The following IGSF11 variants were observed in gnomAD, a reference collection of about 807,000 sequenced individuals.
IGSF11 encodes the protein CXADR like 1.
IGSF11 carries 22 observed loss-of-function variants against 41.0 expected under a neutral mutation model. The observed-to-expected ratio is 0.54, with a 90% CI of 0.38 to 0.77. The LOEUF (loss-of-function observed/expected upper bound fraction) is 0.77. Ranked by LOEUF, IGSF11 falls within the 30% of genes least tolerant of loss-of-function variation. IGSF11 has a pLI of 0.00. For synonymous variants in IGSF11, 219 were observed against 201.3 expected (o/e 1.09, Z -0.74); for missense variants, 444 against 530.8 (o/e 0.84, Z 1.61).
intron 1 of IGSF11, among the ~76,000 whole-genome samples, chr3:119,128,613 A>G (rs2077436446): frequency 6.6e-6 from 1 of 152,228 alleles, no homozygotes; most frequent in African/African-American, 2.4e-5. Context: ...GTCTCTGACA[A>G]AACAGATTTT....
chr3:119,018,807 T>C (rs964821597), intron 1 of IGSF11, among the ~76,000 whole-genome samples: 1 of 152,130 alleles, frequency 6.6e-6, no homozygotes, highest in Middle Eastern at 3.2e-3. Flanking sequence ...AAAGAAGAAA[T>C]GTGTGAGACT....
chr3:119,122,678 A>G (rs771020060), intron 1 of IGSF11, among the ~76,000 whole-genome samples: 4 of 152,196 alleles, frequency 2.6e-5, no homozygotes, highest in Non-Finnish European at 4.4e-5. Flanking sequence ...TTTGTCTTGC[A>G]TTTTGGGTAC....
intron 1 of IGSF11, among the ~76,000 whole-genome samples, chr3:119,061,054 C>A (rs1942036573): frequency 6.6e-6 from 1 of 152,062 alleles, no homozygotes; most frequent in South Asian, 2.1e-4. Flanking sequence ...TATGCTGTTT[C>A]TATGGTAACA....
intron 1 of IGSF11, among the ~76,000 whole-genome samples, chr3:119,082,663 T>C (rs2076602972): frequency 2.6e-5 from 4 of 152,238 alleles, no homozygotes; most frequent in African/African-American, 7.2e-5. Flanking sequence ...TCACTTAGTA[T>C]GTCAGATTAA....
intron 1 of IGSF11, among the ~76,000 whole-genome samples, chr3:118,969,540 T>C (rs1336471914): frequency 2.6e-5 from 4 of 152,082 alleles, no homozygotes; most frequent in Non-Finnish European, 4.4e-5. Context: ...CCATGGTAGC[T>C]TCCCCCGTGA....
chr3:118,980,037 A>T (rs1212584171), intron 1 of IGSF11, among the ~76,000 whole-genome samples: 1 of 152,178 alleles, frequency 6.6e-6, no homozygotes, highest in Non-Finnish European at 1.5e-5. Context: ...GGATGTGGAG[A>T]AAAGGGAACT....
intron 1 of IGSF11, among the ~76,000 whole-genome samples, chr3:119,114,083 C>A (rs1321448582): frequency 1.3e-5 from 2 of 152,158 alleles, no homozygotes; most frequent in African/African-American, 4.8e-5. Context: ...GGCCCTGGGC[C>A]CAGCCCATGG....
At chr3:119,113,249 C>T (rs1453933205) in intron 1 of IGSF11, among the ~76,000 whole-genome samples, 1 of 152,148 alleles carries the variant, frequency 6.6e-6, no homozygotes, top group African/African-American at 2.4e-5. Flanking sequence ...TTATGCCTTC[C>T]CAATAGTCCC....
Position 119,142,624 on chromosome 3 carries a change from C to G in IGSF11, c.-14+3189G>C, listed in dbSNP as rs555579805. ...CTATAAGACACCCTTAAGTGTACCA[C>G]TTATGCATGGTGGGAGCTCCAGAAA... On this transcript the variant is annotated intron_variant, in intron 1 of 7. Transcript: ENST00000425327. Among the ~76,000 whole-genome samples, 3 of 151,998 alleles carry G rather than the reference C, an allele frequency of 2.0e-5. No individual in the cohort carries two copies. The East Asian group carries it at 5.8e-4, about 29-fold the overall frequency.
rs939688740 is a variant in IGSF11 at position 118,911,121 on chromosome 3, GCA to G, written c.581-5405_581-5404del. 1.5e-4 allele frequency among the ~76,000 whole-genome samples: 22 copies of G among 151,298 alleles called. 1 individual carries two copies. Among genetic ancestry groups the G allele is most frequent in the South Asian group, 6.3e-4 (3 of 4,784 alleles). ...GTAAGGTGTATGTTTATGTGTGTGT[GCA>G]CACACACACACATATATGTAAAAAT... On this transcript the variant is annotated intron_variant, in intron 4 of 6. Transcript: ENST00000393775.
intron 1 of IGSF11, among the ~76,000 whole-genome samples, chr3:119,042,112 A>T (rs1354075347): frequency 6.6e-6 from 1 of 152,232 alleles, no homozygotes; most frequent in Non-Finnish European, 1.5e-5. Flanking sequence ...AATATTTAAC[A>T]ATCAATGCAA....
chr3:119,120,594 G>A (rs986667725), intron 1 of IGSF11, among the ~76,000 whole-genome samples: 1 of 152,216 alleles, frequency 6.6e-6, no homozygotes, highest in African/African-American at 2.4e-5. Flanking sequence ...TAGGGATCAG[G>A]GGATCAGTTT....
At chr3:119,092,735 C>G (rs550096981) in intron 1 of IGSF11, among the ~76,000 whole-genome samples, 35 of 152,210 alleles carry the variant, frequency 2.3e-4, no homozygotes, top group Non-Finnish European at 4.0e-4. Flanking sequence ...TCTAGTCCTG[C>G]AAGCTCCATT....
intron 1 of IGSF11, among the ~76,000 whole-genome samples, chr3:119,051,163 A>G (rs1478306017): frequency 6.6e-6 from 1 of 151,036 alleles, no homozygotes; most frequent in African/African-American, 2.4e-5. Flanking sequence ...TAATAAATAA[A>G]TAAATAAATA....
exon 1 of IGSF11, chr3:119,105,204 G>C (rs1242765295): frequency 6.4e-7 from 1 of 1,557,868 alleles, no homozygotes; most frequent in Non-Finnish European, 8.8e-7. Flanking sequence ...TATTCTTCTT[G>C]CCTGAGGAAG....
chr3:119,034,576 A>C lies in IGSF11; in HGVS notation c.7T>G (p.Ser3Ala), dbSNP rs1265826959. The change falls in exon 1 of 7, where the codon TCT becomes GCT. Residue 3 changes from serine to alanine, a missense_variant. Physicochemically the swap from Ser to Ala is moderately conservative, Grantham distance 99 (BLOSUM62 1). This residue lies in a region of IGSF11 where 28 missense variants were observed against 21.1 expected (regional missense o/e 1.33). Transcript: ENST00000393775. MT[S>A]QRSPLAPLLL... is the part of the protein sequence containing the mutation. ...AAAGGCGCCAGAGGGGAACGCTGAGAAGTCATCCCGGGGCCGCAGGGAGCG... is the reference window on the plus strand; with the variant it reads ...AAAGGCGCCAGAGGGGAACGCTGAGCAGTCATCCCGGGGCCGCAGGGAGCG... 4.4e-6 allele frequency: 7 copies of C among 1,590,742 alleles called. No homozygotes were observed. In the East Asian group the frequency reaches 1.6e-4, roughly 37 times the overall value.
chr3:119,097,181 T>C (rs959390999), intron 1 of IGSF11, among the ~76,000 whole-genome samples: 1 of 152,156 alleles, frequency 6.6e-6, no homozygotes, highest in Non-Finnish European at 1.5e-5. Flanking sequence ...GCAGACATCT[T>C]TGGGAGCCCC....
chr3:119,050,972 A>G (rs1235405046), intron 1 of IGSF11, among the ~76,000 whole-genome samples: 1 of 137,698 alleles, frequency 7.3e-6, no homozygotes, highest in Non-Finnish European at 1.6e-5. Flanking sequence ...CAGGAAGGGG[A>G]ACATCACACT....
intron 1 of IGSF11, among the ~76,000 whole-genome samples, chr3:119,022,681 T>C (rs1355429731): frequency 6.6e-6 from 1 of 151,970 alleles, no homozygotes; most frequent in Non-Finnish European, 1.5e-5. Flanking sequence ...ACAGACACAA[T>C]GAGATGCCAT....
Sources: allele counts gnomAD v4.1 joint callset (sites outside exome capture counted in the v4.1 genomes callset), GRCh38; gene constraint gnomAD v4.1.1; regional missense constraint gnomAD v4.1.1; transcripts MANE v1.5; gene names NCBI Gene and HGNC (gene_info 2026-07-23, HGNC 2026-07-21).